The following PTPRD variants were observed in gnomAD, a reference collection of about 807,000 sequenced individuals.
PTPRD encodes the protein protein tyrosine phosphatase receptor type D.
Under a neutral mutation model 214.5 loss-of-function variants are expected in PTPRD, and 34 were observed. The observed-to-expected ratio is 0.16, with a 90% CI of 0.12 to 0.21. The LOEUF is 0.21. Among genes scored for constraint, PTPRD ranks in the 10% least tolerant of loss-of-function variants. The probability of loss-of-function intolerance (pLI) is 1.00; values close to 1 mark genes in which losing one functional copy is unlikely to be tolerated. For missense variants in PTPRD, 2,545 were observed against 2,398.7 expected (o/e 1.06, Z -1.27); for synonymous variants, 1,128 against 845.7 (o/e 1.33, Z -5.79).
At chr9:9,261,479 G>A (rs2099980079) in intron 9 of PTPRD, among the ~76,000 whole-genome samples, 1 of 151,766 alleles carries the variant, frequency 6.6e-6, no homozygotes, top group Admixed American at 6.6e-5. Context: ...CAATAAAAAT[G>A]AACACTTTAT....
intron 10 of PTPRD, among the ~76,000 whole-genome samples, chr9:9,102,291 T>G (rs1161184340): frequency 6.6e-6 from 1 of 152,248 alleles, no homozygotes; most frequent in Non-Finnish European, 1.5e-5. Context: ...GAGGCAATTA[T>G]GATGTGTCTA....
intron 14 of PTPRD, among the ~76,000 whole-genome samples, chr9:8,575,343 C>G (rs146668109): frequency 0.01 from 1,541 of 152,126 alleles, 31 homozygotes; most frequent in African/African-American, 0.035. Flanking sequence ...AGTCCCTAAC[C>G]GCTTACTTCA....
chr9:9,337,345 G>A (rs749871527), intron 9 of PTPRD, among the ~76,000 whole-genome samples: 1 of 152,076 alleles, frequency 6.6e-6, no homozygotes, highest in Non-Finnish European at 1.5e-5. Context: ...CTGCAGGTAG[G>A]GGGTGCTCTG....
At position 9,668,627 on chromosome 9, in the gene PTPRD, T is replaced by C. The variant is rs532094973; in HGVS notation, c.-287+65906A>G. Among the ~76,000 whole-genome samples the C allele has an allele frequency of 3.0e-3, 450 of 152,304 alleles. 2 individuals carry two copies. The highest frequency in any genetic ancestry group is 0.01 in the African/African-American group (425 of 41,586). On this transcript the variant is annotated intron_variant, in intron 7 of 45. Transcript: ENST00000381196. The stretch of plus-strand genomic sequence containing the variant: ...CAGCATAAAGAGAAATTCAGTTGTA[T>C]TAATCACTTAAGCCATAAACTTGCC...
chr9:9,200,603 ACTGT>A, intron 9 of PTPRD, among the ~76,000 whole-genome samples: 1 of 152,196 alleles, frequency 6.6e-6, no homozygotes, highest in Admixed American at 6.5e-5. Flanking sequence ...TCCAACCAAG[ACTGT>A]CTGTTGCAGA....
chr9:10,337,067 C>T (rs1485532692), intron 3 of PTPRD, among the ~76,000 whole-genome samples: 4 of 151,660 alleles, frequency 2.6e-5, no homozygotes, highest in Non-Finnish European at 5.9e-5. Context: ...CACAACCTTG[C>T]TTATTTAATT....
At chr9:10,499,337 A>T (rs2042988033) in intron 2 of PTPRD, among the ~76,000 whole-genome samples, 1 of 151,888 alleles carries the variant, frequency 6.6e-6, no homozygotes, top group Non-Finnish European at 1.5e-5. Context: ...TAAAAAAGAG[A>T]AAGTCCTTAC....
chr9:9,855,591 G>A (rs907448925), intron 5 of PTPRD, among the ~76,000 whole-genome samples: 2 of 152,252 alleles, frequency 1.3e-5, no homozygotes, highest in Non-Finnish European at 2.9e-5. Flanking sequence ...ACAATTTGAC[G>A]GAGGGAGCGC....
intron 8 of PTPRD, among the ~76,000 whole-genome samples, chr9:9,514,364 T>G (rs1217426173): frequency 6.6e-6 from 1 of 152,084 alleles, no homozygotes; most frequent in Non-Finnish European, 1.5e-5. Flanking sequence ...ATAGTTATAG[T>G]GGTCCTGGCA....
At chr9:8,325,014 T>C (rs910790957) in intron 44 of PTPRD, among the ~76,000 whole-genome samples, 1 of 151,914 alleles carries the variant, frequency 6.6e-6, no homozygotes, top group Non-Finnish European at 1.5e-5. Flanking sequence ...GTCAGATGGA[T>C]AGATAGCAAA....
chr9:9,295,592 A>G (rs2134348194), intron 9 of PTPRD, among the ~76,000 whole-genome samples: 1 of 151,880 alleles, frequency 6.6e-6, no homozygotes, highest in East Asian at 2.0e-4. Flanking sequence ...AGACTATTGG[A>G]GCATTCTTTT....
chr9:8,783,574 T>G (rs1056980253), intron 11 of PTPRD, among the ~76,000 whole-genome samples: 3 of 152,208 alleles, frequency 2.0e-5, no homozygotes, highest in Non-Finnish European at 2.9e-5. Context: ...GGTGACATTG[T>G]GACAGAAGTA....
intron 11 of PTPRD, chr9:8,962,720 G>C (rs576247022): frequency 6.6e-6 from 1 of 152,206 alleles, no homozygotes; most frequent in South Asian, 2.1e-4. Context: ...GAGGGCTGAA[G>C]AGAAAATTCA....
chr9:9,467,578 C>T (rs1393684984), intron 8 of PTPRD, among the ~76,000 whole-genome samples: 1 of 30,430 alleles, frequency 3.3e-5, no homozygotes, highest in Non-Finnish European at 7.4e-5. Context: ...CAGAGCGGGA[C>T]TCCATCTCCC....
At chr9:8,759,615 CTTT>C (rs77725373) in intron 11 of PTPRD, among the ~76,000 whole-genome samples, 6 of 98,988 alleles carry the variant, frequency 6.1e-5, no homozygotes, top group Non-Finnish European at 1.1e-4. Flanking sequence ...TGTTACATTT[CTTT>C]TTTTTTTTTT....
At chr9:9,142,435 C>A (rs2099862071) in intron 10 of PTPRD, among the ~76,000 whole-genome samples, 1 of 152,208 alleles carries the variant, frequency 6.6e-6, no homozygotes, top group African/African-American at 2.4e-5. Context: ...AGTCCTAATG[C>A]AATGACGGGT....
At position 9,131,026 on chromosome 9, in the gene PTPRD, A is replaced by T. The variant is rs541046442; in HGVS notation, c.-143+52278T>A. 2.6e-5 allele frequency among the ~76,000 whole-genome samples: 4 copies of T among 152,244 alleles called. No individual in the cohort carries two copies. In the South Asian group the frequency reaches 8.3e-4, roughly 32 times the overall value. The stretch of plus-strand genomic sequence containing the variant: ...TAATACAAGATTTTTTTAAAAGAAT[A>T]AAAAAACAAATCCGGTGCTTTTGTA... On this transcript the variant is annotated intron_variant, in intron 10 of 45. Transcript: ENST00000381196.
At chr9:8,541,571 C>T (rs1420403103) in intron 14 of PTPRD, among the ~76,000 whole-genome samples, 2 of 151,986 alleles carry the variant, frequency 1.3e-5, no homozygotes, top group African/African-American at 4.8e-5. Flanking sequence ...TTGCTATGTT[C>T]CCAGGGCTGC....
intron 10 of PTPRD, among the ~76,000 whole-genome samples, chr9:9,103,447 G>A (rs1397235682): frequency 1.3e-5 from 2 of 152,050 alleles, no homozygotes; most frequent in African/African-American, 2.4e-5. Flanking sequence ...AAAACAAAAT[G>A]TGGAATAAAC....
Sources: gnomAD v4.1 joint callset for allele counts (sites outside exome capture counted in the v4.1 genomes callset) on GRCh38, gnomAD v4.1.1 for gene constraint, MANE v1.5 for transcripts, NCBI Gene and HGNC (gene_info 2026-07-23, HGNC 2026-07-21) for gene names.